BARD1: variants seen among roughly 807,000 people sequenced by gnomAD.
BARD1 encodes BRCA1-associated RING domain protein 1.
In BARD1, 73 loss-of-function variants were observed where a neutral mutation model predicts 77.0. That is an observed-to-expected ratio of 0.95 (90% CI 0.79 to 1.15). The LOEUF (loss-of-function observed/expected upper bound fraction) is 1.15. BARD1 is among the 50% of genes most tolerant of loss of function. The probability of loss-of-function intolerance (pLI) is 0.00; values close to 1 mark genes in which losing one functional copy is unlikely to be tolerated. For synonymous variants in BARD1, 384 were observed against 338.0 expected (o/e 1.14, Z -1.49); for missense variants, 993 against 938.8 (o/e 1.06, Z -0.75).
At chr2:214,765,329 T>G (rs955622121) in intron 6 of BARD1, among the ~76,000 whole-genome samples, 12 of 152,158 alleles carry the variant, frequency 7.9e-5, no homozygotes, top group African/African-American at 2.7e-4. Context: ...CCACTCCTTG[T>G]ATATTAATAA....
At chr2:214,764,001 C>G (rs957032988) in intron 6 of BARD1, among the ~76,000 whole-genome samples, 1 of 152,156 alleles carries the variant, frequency 6.6e-6, no homozygotes, top group African/African-American at 2.4e-5. Flanking sequence ...TGGGTAGCCA[C>G]AATCCCACAA....
chr2:214,766,928 T>G (rs11897384), intron 6 of BARD1, among the ~76,000 whole-genome samples: 5 of 151,746 alleles, frequency 3.3e-5, no homozygotes, highest in African/African-American at 1.2e-4. Flanking sequence ...ACCCAGGTAT[T>G]GAGCCTAGTA....
chr2:214,794,729 C>T (rs1695682540), intron 2 of BARD1, among the ~76,000 whole-genome samples: 1 of 152,104 alleles, frequency 6.6e-6, no homozygotes, highest in Non-Finnish European at 1.5e-5. Flanking sequence ...AGATGAATTA[C>T]CTTTATCAGT....
chr2:214,777,528 C>T (rs1694787477), intron 4 of BARD1, among the ~76,000 whole-genome samples: 1 of 151,986 alleles, frequency 6.6e-6, no homozygotes, highest in Non-Finnish European at 1.5e-5. Context: ...AGAAACAATA[C>T]AACGCAAGTC....
rs1412871752 is a variant in BARD1 at position 214,780,968 on chromosome 2, C to G, written c.906G>C (p.Lys302Asn). ...TAGATGTAAGATAATTTTTGCAGAC[C>G]TTCTCAGGAGTCACTACTTCATTCC... ...KSRNEVVTPE[K>N]VCKNYLTSKK... Residue 302 changes from lysine to asparagine, a missense_variant, in exon 4 of 11, where the codon AAG (lysine) becomes AAC (asparagine). Coordinates refer to ENST00000260947, the MANE Select transcript of BARD1 (RefSeq NM_000465.4). 6.2e-7 allele frequency: 1 copy of G among 1,613,576 alleles called. No homozygotes were observed.
At chr2:214,761,928 A>G (rs896251455) in intron 6 of BARD1, among the ~76,000 whole-genome samples, 1 of 152,212 alleles carries the variant, frequency 6.6e-6, no homozygotes, top group Non-Finnish European at 1.5e-5. Flanking sequence ...TGATAATTAG[A>G]TCTTTAGAAT....
intron 6 of BARD1, among the ~76,000 whole-genome samples, chr2:214,760,264 C>G (rs993777300): frequency 9.9e-5 from 15 of 152,212 alleles, no homozygotes; most frequent in Non-Finnish European, 1.9e-4. Flanking sequence ...ACGATCTCGG[C>G]TTACTGCAAC....
chr2:214,751,105 GTGTGTGTGTGTGTATATATATATATA>G (rs1460604710), intron 7 of BARD1, among the ~76,000 whole-genome samples: 39 of 9,980 alleles, frequency 3.9e-3, no homozygotes, highest in Admixed American at 7.8e-3. Context: ...GTGTGTGTGT[GTGTGTGTGTGTGTATATATATATATA>G]TATATATATA....
intron 1 of BARD1, among the ~76,000 whole-genome samples, chr2:214,801,673 TCTAA>T: frequency 6.6e-6 from 1 of 152,148 alleles, no homozygotes; most frequent in East Asian, 1.9e-4. Context: ...CCATGTAACA[TCTAA>T]AGAACAAAGT....
At chr2:214,797,991 G>C (rs1011988975) in intron 1 of BARD1, among the ~76,000 whole-genome samples, 1 of 151,982 alleles carries the variant, frequency 6.6e-6, no homozygotes, top group Non-Finnish European at 1.5e-5. Flanking sequence ...AATGTACCCA[G>C]AGAAGTAAAG....
At chr2:214,766,686 A>C (rs1694211996) in intron 6 of BARD1, among the ~76,000 whole-genome samples, 1 of 152,194 alleles carries the variant, frequency 6.6e-6, no homozygotes, top group Non-Finnish European at 1.5e-5. Context: ...CTTGTAAACT[A>C]CACACATCCT....
intron 4 of BARD1, among the ~76,000 whole-genome samples, chr2:214,773,778 T>C (rs1338800285): frequency 6.6e-6 from 1 of 152,152 alleles, no homozygotes; most frequent in Non-Finnish European, 1.5e-5. Flanking sequence ...TGGGTGGTTG[T>C]GACAGTTTCT....
At chr2:214,803,123 C>T (rs1204889962) in intron 1 of BARD1, among the ~76,000 whole-genome samples, 1 of 152,078 alleles carries the variant, frequency 6.6e-6, no homozygotes, top group Non-Finnish European at 1.5e-5. Context: ...TGCTTGAAGG[C>T]AGCTTGCTCC....
At chr2:214,751,147 ATATATTTTTTTTTT>A (rs1211561233) in intron 7 of BARD1, among the ~76,000 whole-genome samples, 1 of 21,194 alleles carries the variant, frequency 4.7e-5, no homozygotes, top group African/African-American at 1.4e-4. Flanking sequence ...ATATATATAT[ATATATTTTTTTTTT>A]TTTTTTTTTT....
chr2:214,791,412 A>T (rs1390512197), intron 3 of BARD1, among the ~76,000 whole-genome samples: 1 of 152,232 alleles, frequency 6.6e-6, no homozygotes. Context: ...GAGCATTATC[A>T]ATCATCCATG....
chr2:214,752,401 A>G (rs775487553), intron 7 of BARD1, 46 bp downstream of exon 7: 1 of 1,515,964 alleles, frequency 6.6e-7, no homozygotes, highest in Non-Finnish European at 9.1e-7. Context: ...TTCATAACCA[A>G]TTTTAATAAA....
At chr2:214,799,039 C>T (rs1695890658) in intron 1 of BARD1, among the ~76,000 whole-genome samples, 1 of 152,136 alleles carries the variant, frequency 6.6e-6, no homozygotes, top group Admixed American at 6.5e-5. Flanking sequence ...ATCACTTGAA[C>T]CTGGAAGGTG....
At chr2:214,808,054 A>C (rs1178987838) in intron 1 of BARD1, among the ~76,000 whole-genome samples, 1 of 152,252 alleles carries the variant, frequency 6.6e-6, no homozygotes, top group Non-Finnish European at 1.5e-5. Flanking sequence ...ACAGATATTA[A>C]AAGTTTTCGT....
chr2:214,745,745 T>C lies in BARD1; in HGVS notation c.1787A>G (p.Lys596Arg). The change falls in exon 8 of 11, where the codon AAA (lysine) becomes AGA (arginine). Residue 596 changes from lysine to arginine, a missense_variant. Physicochemically the swap from Lys to Arg is conservative, Grantham distance 26. Transcript: ENST00000260947. ...ACCTGTACTGTCAAACTCAGTATAT[T>C]TTTTAGCCTTAAGAATTACTGCAAG... ...SELAVILKAK[K>R]YTEFDSTVTH... The C allele has an allele frequency of 6.2e-7, 1 of 1,614,072 alleles. No individual in the cohort carries two copies. Among genetic ancestry groups the C allele is most frequent in the Non-Finnish European group, 8.5e-7 (1 of 1,179,980 alleles).
Sources: allele counts gnomAD v4.1 joint callset (sites outside exome capture counted in the v4.1 genomes callset), GRCh38; gene constraint gnomAD v4.1.1; transcripts MANE v1.5; gene names NCBI Gene and HGNC (gene_info 2026-07-23, HGNC 2026-07-21).